The following DENND4A variants were observed in gnomAD, a reference collection of about 807,000 sequenced individuals.
DENND4A encodes C-myc promoter-binding protein.
Under a neutral mutation model 199.3 loss-of-function variants are expected in DENND4A, and 70 were observed. That is an observed-to-expected ratio of 0.35 (90% CI 0.29 to 0.43). The LOEUF is 0.43. Ranked by LOEUF, DENND4A falls within the 20% of genes least tolerant of loss-of-function variation. DENND4A has a pLI of 1.00. For missense variants in DENND4A, 1,723 were observed against 2,255.8 expected (o/e 0.76, Z 4.78); for synonymous variants, 686 against 766.9 (o/e 0.89, Z 1.74).
At position 65,668,032 on chromosome 15, in the gene DENND4A, G is replaced by T. The variant is rs2076097654; in HGVS notation, c.4879C>A (p.Pro1627Thr). ...KTAMSKCPIF[P>T]MARSISTSGP... ...GAAGTACTAATACTCCTGGCCATTGGAAATATTGGACATTTAGACATAGCT... is the reference window on the plus strand; with the variant it reads ...GAAGTACTAATACTCCTGGCCATTGTAAATATTGGACATTTAGACATAGCT... Residue 1627 changes from proline (P) to threonine (T), a missense_variant, in exon 28 of 33, where the codon CCA (proline) becomes ACA (threonine). By Grantham distance (38) the Pro-to-Thr change is conservative. This residue lies in a region of DENND4A where 141 missense variants were observed against 170.7 expected (regional missense o/e 0.83). Transcript: ENST00000443035. 2 of 1,612,554 alleles carry T rather than the reference G, an allele frequency of 1.2e-6. No individual in the cohort carries two copies. Among genetic ancestry groups the T allele is most frequent in the Non-Finnish European group, 1.7e-6 (2 of 1,179,558 alleles).
chr15:65,670,632 T>C (rs1388595630), intron 25 of DENND4A, among the ~76,000 whole-genome samples: 3 of 152,204 alleles, frequency 2.0e-5, no homozygotes, highest in Admixed American at 6.5e-5. Context: ...TACTGTGATA[T>C]TGCAGTAACA....
chr15:65,760,519 T>C (rs2076827055), intron 2 of DENND4A, among the ~76,000 whole-genome samples: 1 of 150,706 alleles, frequency 6.6e-6, no homozygotes, highest in Non-Finnish European at 1.5e-5. Flanking sequence ...AATAAATAAA[T>C]AAACAAACTA....
intron 14 of DENND4A, among the ~76,000 whole-genome samples, chr15:65,706,641 G>A (rs1035659486): frequency 6.6e-6 from 1 of 151,996 alleles, no homozygotes; most frequent in Non-Finnish European, 1.5e-5. Context: ...GACTACAGGC[G>A]TGTGCCACCA....
chr15:65,762,537 G>A (rs1260466109), intron 1 of DENND4A, among the ~76,000 whole-genome samples: 1 of 152,050 alleles, frequency 6.6e-6, no homozygotes, highest in Non-Finnish European at 1.5e-5. Flanking sequence ...ACTGAGGCAC[G>A]AGAATCACTT....
rs1030890140 is a variant in DENND4A, at chr15:65,690,646, C to T, written c.3948G>A (p.Glu1316=). The change falls in exon 23 of 33, where the codon GAG becomes GAA. Residue 1316 remains glutamate (E), a synonymous_variant. Transcript: ENST00000443035. ...LTKSKSYTKS[E]EKPRDRLWSS... is the part of the protein sequence containing the mutation. The stretch of plus-strand genomic sequence containing the variant: ...ACCAAAGTCTATCCCTTGGTTTCTC[C>T]TCACTTTTTGTGTAACTTTTAGATT... The T allele has an allele frequency of 1.2e-6, 2 of 1,613,686 alleles. No homozygotes were observed. Among genetic ancestry groups the T allele is most frequent in the Admixed American group, 3.3e-5 (2 of 59,946 alleles).
intron 9 of DENND4A, 122 bp from the exon 10 acceptor site, chr15:65,729,800 C>T (rs1427798851): frequency 9.1e-6 from 8 of 876,064 alleles, no homozygotes; most frequent in South Asian, 2.1e-5. Flanking sequence ...GATTAGGGTA[C>T]AATTTGTATT....
At chr15:65,771,863 T>C (rs897881098) in intron 1 of DENND4A, 66 of 1,612,076 alleles carry the variant, frequency 4.1e-5, no homozygotes, top group Non-Finnish European at 5.5e-5. Flanking sequence ...TTCCCAACCT[T>C]TTTAAAAGCA....
chr15:65,676,470 G>A lies in DENND4A; in HGVS notation c.4344C>T (p.Ser1448=), dbSNP rs1404106503. The change falls in exon 24 of 33, where the codon AGC becomes AGT. Residue 1448 remains serine (S), a synonymous_variant. Transcript: ENST00000443035. ...CTTCCAAGGATGCAGAACTTTCCAG[G>A]CTTATTCGGCTGAGATCAATTCTCT... The part of the protein sequence containing the change: ...GTKRIDLSRI[S]LESSASLEGS... 6.2e-7 allele frequency: 1 copy of A among 1,609,284 alleles called. No homozygotes were observed. The highest frequency in any genetic ancestry group is 1.7e-5 in the Admixed American group (1 of 59,666).
chr15:65,664,446 T>C (rs2075971539), intron 31 of DENND4A, 52 bp from the exon 32 acceptor site: 1 of 1,513,868 alleles, frequency 6.6e-7, no homozygotes. Flanking sequence ...AGTCCATATG[T>C]TCCCTATAAA....
intron 14 of DENND4A, among the ~76,000 whole-genome samples, chr15:65,706,446 TAACACACACACA>T (rs1396422825): frequency 5.5e-4 from 52 of 94,722 alleles, no homozygotes; most frequent in African/African-American, 2.2e-3. Flanking sequence ...AAGGGGAAAA[TAACACACACACA>T]CACACACACA....
At chr15:65,779,602 A>C (rs192081513) in intron 1 of DENND4A, among the ~76,000 whole-genome samples, 70 of 149,088 alleles carry the variant, frequency 4.7e-4, no homozygotes, top group African/African-American at 1.5e-3. Context: ...TGATCCTCCC[A>C]CCTCAGCCTC....
intron 9 of DENND4A, 73 bp downstream of exon 9, chr15:65,731,569 G>T (rs2075959506): frequency 2.6e-6 from 3 of 1,148,674 alleles, no homozygotes; most frequent in Non-Finnish European, 3.8e-6. Context: ...TGAAATTTTA[G>T]CTAGGAAAAA....
rs1404815359 is a variant in DENND4A, at chr15:65,717,789, AAG to A, written c.1794_1795del (p.Phe599CysfsTer18). ...ATGCAGTCACTCACCTTGTAGGGCA[AAG>A]AGAGAGGCTGCATCTGTGGCTGTCT... is the stretch of plus-strand genomic sequence containing the variant. On this transcript the variant is annotated frameshift_variant, in exon 13 of 33. Transcript: ENST00000443035. LOFTEE classifies it high-confidence loss of function. 1 of 1,602,038 alleles carries A rather than the reference AAG, an allele frequency of 6.2e-7. No homozygotes were observed. Among genetic ancestry groups the A allele is most frequent in the East Asian group, 2.2e-5 (1 of 44,750 alleles).
At chr15:65,734,568 T>G (rs28574874) in intron 7 of DENND4A, among the ~76,000 whole-genome samples, 1 of 151,864 alleles carries the variant, frequency 6.6e-6, no homozygotes, top group African/African-American at 2.4e-5. Context: ...CCAAGTCTCT[T>G]GTTCCACCTA....
intron 12 of DENND4A, among the ~76,000 whole-genome samples, chr15:65,721,938 C>T (rs901478580): frequency 2.0e-5 from 3 of 152,104 alleles, no homozygotes; most frequent in African/African-American, 7.2e-5. Flanking sequence ...CTCATATAAG[C>T]TTTTTAAATA....
At chr15:65,765,827 A>G (rs1380837994) in intron 1 of DENND4A, among the ~76,000 whole-genome samples, 1 of 152,190 alleles carries the variant, frequency 6.6e-6, no homozygotes. Context: ...CCCTTTTATA[A>G]GCACACACAC....
intron 12 of DENND4A, among the ~76,000 whole-genome samples, 183 bp downstream of exon 12, chr15:65,722,665 A>C (rs1416257859): frequency 2.6e-5 from 4 of 152,244 alleles, no homozygotes; most frequent in African/African-American, 9.6e-5. Flanking sequence ...GAAAAAAAAA[A>C]AAATACACAT....
chr15:65,737,922 A>C lies in DENND4A; in HGVS notation c.825T>G (p.Phe275Leu). 6.3e-7 allele frequency: 1 copy of C among 1,594,056 alleles called. No individual in the cohort carries two copies. Among genetic ancestry groups the C allele is most frequent in the Non-Finnish European group, 8.6e-7 (1 of 1,169,140 alleles). ...GATTCTCCTCAGAGTATGGTTCATA[A>C]AACTGAATAGCAGCACCATAAACCT... ...AEKVYGAAIQ[F>L]YEPYSEENLT... Residue 275 changes from phenylalanine to leucine, a missense_variant, in exon 7 of 33, where the codon TTT (phenylalanine) becomes TTG (leucine). Transcript: ENST00000443035.
In DENND4A at chr15:65,668,031, G is replaced by A. The variant is rs2076097555; in HGVS notation, c.4880C>T (p.Pro1627Leu). Residue 1627 changes from proline to leucine, a missense_variant, in exon 28 of 33, where the codon CCA becomes CTA. Pro to Leu is a moderately conservative substitution (Grantham distance 98). Coordinates refer to ENST00000443035, the MANE Select transcript of DENND4A (RefSeq NM_001320835.1). ...AGAAGTACTAATACTCCTGGCCATT[G>A]GAAATATTGGACATTTAGACATAGC... Reference protein sequence around the residue: ...KTAMSKCPIFPMARSISTSGP... With the variant: ...KTAMSKCPIFLMARSISTSGP... 1.2e-6 allele frequency: 2 copies of A among 1,612,436 alleles called. No homozygotes were observed. The highest frequency in any genetic ancestry group is 1.7e-6 in the Non-Finnish European group (2 of 1,179,524).
Sources: allele counts gnomAD v4.1 joint callset (sites outside exome capture counted in the v4.1 genomes callset), GRCh38; gene constraint gnomAD v4.1.1; regional missense constraint gnomAD v4.1.1; transcripts MANE v1.5; gene names NCBI Gene and HGNC (gene_info 2026-07-23, HGNC 2026-07-21).